The following MDGA2 variants were observed in gnomAD, a reference collection of about 807,000 sequenced individuals.
MDGA2 encodes the protein MAM domain-containing glycosylphosphatidylinositol anchor protein 2.
Under a neutral mutation model 117.8 loss-of-function variants are expected in MDGA2, and 40 were observed. The ratio of observed to expected loss-of-function variants is 0.34; its 90% confidence interval spans 0.26 to 0.44. MDGA2 has a LOEUF of 0.44. Ranked by LOEUF, MDGA2 falls within the 20% of genes least tolerant of loss-of-function variation. MDGA2 has a pLI of 1.00. For missense variants in MDGA2, 1,123 were observed against 1,250.6 expected, an observed-to-expected ratio of 0.90 and a Z score of 1.54; for synonymous variants, 452 against 439.0, an observed-to-expected ratio of 1.03 and a Z score of -0.37.
At chr14:47,494,655 A>G (rs1894241217) in intron 1 of MDGA2, among the ~76,000 whole-genome samples, 1 of 152,022 alleles carries the variant, frequency 6.6e-6, no homozygotes, top group Non-Finnish European at 1.5e-5. Context: ...TTATAGTTTC[A>G]GGTCTTACAT....
At chr14:47,447,178 G>A (rs1234312625) in intron 1 of MDGA2, among the ~76,000 whole-genome samples, 1 of 152,092 alleles carries the variant, frequency 6.6e-6, no homozygotes, top group Non-Finnish European at 1.5e-5. Flanking sequence ...GTTTAGTCCA[G>A]GGAGCTACTG....
chr14:47,065,060 T>G (rs1890032835), intron 6 of MDGA2, among the ~76,000 whole-genome samples: 1 of 152,124 alleles, frequency 6.6e-6, no homozygotes, highest in African/African-American at 2.4e-5. Flanking sequence ...AACATTAGAT[T>G]TGGCTTAATG....
intron 1 of MDGA2, among the ~76,000 whole-genome samples, chr14:47,557,517 A>T (rs1235480684): frequency 6.6e-6 from 1 of 152,178 alleles, no homozygotes; most frequent in Non-Finnish European, 1.5e-5. Context: ...GTCTTTAAGA[A>T]CCAGAGAAAG....
At chr14:47,291,275 AG>A (rs1468656325) in intron 2 of MDGA2, among the ~76,000 whole-genome samples, 1 of 152,174 alleles carries the variant, frequency 6.6e-6, no homozygotes, top group African/African-American at 2.4e-5. Context: ...TAGAATCCAA[AG>A]GTCTATCTTA....
At chr14:47,118,624 GAATT>G (rs1482418710) in intron 5 of MDGA2, among the ~76,000 whole-genome samples, 9 of 152,190 alleles carry the variant, frequency 5.9e-5, no homozygotes, top group African/African-American at 1.9e-4. Flanking sequence ...TTTCAATATA[GAATT>G]ATTTTGTTTT....
At chr14:47,619,961 G>A (rs150069727) in intron 1 of MDGA2, among the ~76,000 whole-genome samples, 3 of 152,166 alleles carry the variant, frequency 2.0e-5, no homozygotes, top group Admixed American at 1.3e-4. Context: ...ACTTGATTCC[G>A]ATGGCTCAAA....
chr14:47,081,352 T>A (rs1890701770), intron 6 of MDGA2, among the ~76,000 whole-genome samples: 1 of 152,112 alleles, frequency 6.6e-6, no homozygotes, highest in Admixed American at 6.5e-5. Flanking sequence ...GTATCAAAAG[T>A]ATCAAGATTA....
At chr14:46,963,380 TCAG>T (rs1885887350) in intron 8 of MDGA2, among the ~76,000 whole-genome samples, 1 of 152,228 alleles carries the variant, frequency 6.6e-6, no homozygotes, top group South Asian at 2.1e-4. Flanking sequence ...AACAGAAAAA[TCAG>T]CTCATGTTAC....
intron 7 of MDGA2, among the ~76,000 whole-genome samples, chr14:47,044,012 T>G (rs1380943204): frequency 6.6e-6 from 1 of 152,124 alleles, no homozygotes; most frequent in African/African-American, 2.4e-5. Context: ...AATGTCCTGA[T>G]GTAAGCATCA....
At chr14:46,910,309 G>A (rs1287945772) in intron 10 of MDGA2, among the ~76,000 whole-genome samples, 1 of 151,626 alleles carries the variant, frequency 6.6e-6, no homozygotes, top group African/African-American at 2.4e-5. Context: ...TCAGATTCAG[G>A]TCATGCTATT....
At chr14:46,883,077 C>A (rs763952319) in intron 10 of MDGA2, among the ~76,000 whole-genome samples, 8 of 151,950 alleles carry the variant, frequency 5.3e-5, no homozygotes, top group Non-Finnish European at 1.0e-4. Flanking sequence ...TTTACAAAAT[C>A]TTGCAGATAT....
chr14:47,665,622 G>C (rs973945054), intron 1 of MDGA2, among the ~76,000 whole-genome samples: 14 of 152,168 alleles, frequency 9.2e-5, no homozygotes, highest in Non-Finnish European at 2.1e-4. Flanking sequence ...CCTGCACTCG[G>C]AGCGGCCTGC....
intron 2 of MDGA2, among the ~76,000 whole-genome samples, chr14:47,235,799 C>T (rs1021370445): frequency 2.0e-5 from 3 of 152,132 alleles, no homozygotes; most frequent in Admixed American, 6.5e-5. Context: ...TTATCCCTTC[C>T]TGTTCCTGTT....
intron 3 of MDGA2, among the ~76,000 whole-genome samples, chr14:47,213,725 T>C (rs1271161698): frequency 1.3e-5 from 2 of 152,200 alleles, no homozygotes; most frequent in African/African-American, 4.8e-5. Flanking sequence ...TGTTTTCCTG[T>C]TCTTGTTTCA....
At position 47,234,359 on chromosome 14, in the gene MDGA2, C is replaced by T. The variant is rs181275250; in HGVS notation, c.421-16164G>A. ...ATACCATAAGGTAAATTATAGACAC[C>T]GTTTATCAATTATCAATTAAGGTTT... On this transcript the variant is annotated intron_variant, in intron 2 of 16. Coordinates refer to ENST00000399232, the MANE Select transcript of MDGA2 (RefSeq NM_001113498.3). 5.3e-4 allele frequency among the ~76,000 whole-genome samples: 80 copies of T among 151,688 alleles called. No individual in the cohort carries two copies. The East Asian group carries it at 0.012, about 23-fold the overall frequency.
rs201861864 is a variant in MDGA2, at chr14:47,531,245, AAAAC to A, written c.280+143268_280+143271del. 2.6e-4 allele frequency among the ~76,000 whole-genome samples: 40 copies of A among 152,298 alleles called. No homozygotes were observed. In the East Asian group the frequency reaches 6.8e-3, roughly 26 times the overall value. On this transcript the variant is annotated intron_variant, in intron 1 of 16. Transcript: ENST00000399232. ...GGGCGACAGAGCGAGACTCCACCTCAAAACAAACAAACAAACAAAAACCACCTAA... is the reference window on the plus strand; with the variant it reads ...GGGCGACAGAGCGAGACTCCACCTCAAAACAAACAAACAAAAACCACCTAA...
chr14:47,136,505 A>G (rs545939168), intron 4 of MDGA2, among the ~76,000 whole-genome samples: 1 of 152,226 alleles, frequency 6.6e-6, no homozygotes, highest in South Asian at 2.1e-4. Flanking sequence ...CTCAATATGA[A>G]GAGATTTCAA....
chr14:47,081,275 C>G (rs1247658305), intron 6 of MDGA2, among the ~76,000 whole-genome samples: 3 of 151,660 alleles, frequency 2.0e-5, no homozygotes, highest in African/African-American at 7.3e-5. Flanking sequence ...TCATTTATAC[C>G]ATGTTATCTT....
intron 3 of MDGA2, among the ~76,000 whole-genome samples, chr14:47,148,420 A>G (rs1168011173): frequency 6.6e-6 from 1 of 152,166 alleles, no homozygotes; most frequent in Non-Finnish European, 1.5e-5. Flanking sequence ...CATGGAGGGT[A>G]GCACCCACTC....
Sources: allele counts gnomAD v4.1 joint callset (sites outside exome capture counted in the v4.1 genomes callset), GRCh38; gene constraint gnomAD v4.1.1; transcripts MANE v1.5; gene names NCBI Gene and HGNC (gene_info 2026-07-23, HGNC 2026-07-21).